STIL: variants seen among roughly 807,000 people sequenced by gnomAD.
STIL encodes STIL centriolar assembly protein.
In STIL, 55 loss-of-function variants were observed where a neutral mutation model predicts 110.1. The observed-to-expected ratio is 0.50, with a 90% CI of 0.40 to 0.63. The LOEUF is 0.63. Ranked by LOEUF, STIL falls within the 20% of genes least tolerant of loss-of-function variation. The pLI is 0.00. For missense variants in STIL, 1,358 were observed against 1,530.0 expected (o/e 0.89, Z 1.87); for synonymous variants, 481 against 530.0 (o/e 0.91, Z 1.27).
intron 2 of STIL, among the ~76,000 whole-genome samples, chr1:47,308,746 TAA>T (rs1646039234): frequency 1.3e-5 from 2 of 151,938 alleles, no homozygotes; most frequent in African/African-American, 4.8e-5. Flanking sequence ...TTAAAAGTAA[TAA>T]ATAATAACAT....
Position 47,251,229 on chromosome 1 carries a change from T to C in STIL, c.3774A>G (p.Gln1258=), listed in dbSNP as rs1168776378. The change falls in exon 17 of 17, where the codon CAA becomes CAG. Residue 1258 remains glutamine (Q), a synonymous_variant. Coordinates refer to ENST00000371877, the MANE Select transcript of STIL (RefSeq NM_001048166.1). ...TCATCTGCTTTAGCGTTTCAGAAGG[T>C]TGCAAACTTTCAGGAAAAATTGTAA... ...GDITIFPESL[Q]PSETLKQMNS... 2 of 1,611,380 alleles carry C rather than the reference T, an allele frequency of 1.2e-6. No homozygotes were observed. The highest frequency in any genetic ancestry group is 1.7e-5 in the Admixed American group (1 of 59,658).
chr1:47,311,445 C>T (rs1332768082), intron 1 of STIL, among the ~76,000 whole-genome samples: 2 of 151,828 alleles, frequency 1.3e-5, no homozygotes, highest in African/African-American at 4.8e-5. Context: ...CCACTGCACC[C>T]GGCTAATTTT....
intron 14 of STIL, among the ~76,000 whole-genome samples, chr1:47,266,983 T>C (rs1570073717): frequency 6.6e-6 from 1 of 152,368 alleles, no homozygotes; most frequent in South Asian, 2.1e-4. Context: ...TCAATCACTA[T>C]GTCCAGCCAC....
At position 47,289,655 on chromosome 1, in the gene STIL, G is replaced by A. The variant is rs981144564; in HGVS notation, c.873-70C>T. The A allele has an allele frequency of 5.0e-6, 7 of 1,401,960 alleles. No individual in the cohort carries two copies. The Admixed American group carries it at 8.5e-5, about 17-fold the overall frequency. The allele number at this position is 1,401,960 out of a possible 1,614,324, so 86.8% of individuals were successfully genotyped here. ...TGATGACACTCAAATAACTTCATGTGAGTCTCCCAATCTAGTTAACAAAAT... is the reference window on the plus strand; with the variant it reads ...TGATGACACTCAAATAACTTCATGTAAGTCTCCCAATCTAGTTAACAAAAT... On this transcript the variant is annotated intron_variant, in intron 8 of 16. Transcript: ENST00000371877.
chr1:47,270,005 G>A (rs1001334455), intron 13 of STIL, 139 bp from the exon 14 acceptor site: 1 of 781,460 alleles, frequency 1.3e-6, no homozygotes, highest in South Asian at 1.5e-5. Context: ...GAGAGGCAGA[G>A]GCGGGAGGAT....
At chr1:47,279,282 C>CAAAAA (rs11325942) in intron 12 of STIL, among the ~76,000 whole-genome samples, 3 of 107,120 alleles carry the variant, frequency 2.8e-5, no homozygotes, top group African/African-American at 1.2e-4. Context: ...TACTCCGTCT[C>CAAAAA]AAAAAAAAAA....
rs3125644 is a variant in STIL at position 47,287,324 on chromosome 1, T to C, written c.1133+227A>G. On this transcript the variant is annotated intron_variant, in intron 10 of 16. Transcript: ENST00000371877. Reference sequence around the variant, plus strand: ...GACAAATACTTTTGTATTTTTCCTGTATAATACATCAACCCAAATGAAAAC... The same window carrying C: ...GACAAATACTTTTGTATTTTTCCTGCATAATACATCAACCCAAATGAAAAC... Among the ~76,000 whole-genome samples, 33,811 of 152,112 alleles carry C rather than the reference T, an allele frequency of 0.22. 4,425 individuals carry two copies. The highest frequency in any genetic ancestry group is 0.53 in the East Asian group (2,710 of 5,154).
rs878918576 is a variant in STIL, at chr1:47,251,835, G to C, written c.3168C>G (p.Pro1056=). The C allele has an allele frequency of 1.9e-6, 3 of 1,608,800 alleles. No homozygotes were observed. Among genetic ancestry groups the C allele is most frequent in the Middle Eastern group, 1.7e-4 (1 of 6,018 alleles). The change falls in exon 17 of 17, where the codon CCC becomes CCG. Residue 1056 remains proline, a synonymous_variant. Transcript: ENST00000371877. The stretch of plus-strand genomic sequence containing the variant: ...CCTCCATGCTCAAATCCACACCATT[G>C]GGGCTTAAGCCGCTCATGCCAACAT... ...FANVGMSGLS[P]NGVDLSMEAN...
Position 47,289,535 on chromosome 1 carries a change from T to A in STIL, c.923A>T (p.His308Leu), listed in dbSNP as rs753511515. 1.9e-6 allele frequency: 3 copies of A among 1,613,800 alleles called. No homozygotes were observed. The highest frequency in any genetic ancestry group is 3.3e-5 in the Admixed American group (2 of 59,998). The change falls in exon 9 of 17, where the codon CAT (histidine) becomes CTT (leucine). Residue 308 changes from histidine to leucine, a missense_variant. By Grantham distance (99) the His-to-Leu change is moderately conservative. Coordinates refer to ENST00000371877, the MANE Select transcript of STIL (RefSeq NM_001048166.1). ...GCATTCATAAAACTCAGGTTCCTTATGTGTCATAGAATAGAGAACTATGAT... is the reference window on the plus strand; with the variant it reads ...GCATTCATAAAACTCAGGTTCCTTAAGTGTCATAGAATAGAGAACTATGAT... The part of the protein sequence containing the change: ...NFIIVLYSMT[H>L]KEPEFYECFP...
intron 12 of STIL, among the ~76,000 whole-genome samples, chr1:47,277,241 G>C (rs116782244): frequency 0.01 from 1,582 of 152,206 alleles, 37 homozygotes; most frequent in African/African-American, 0.037. Context: ...AACATGTTTT[G>C]GCATTTTTAA....
intron 12 of STIL, among the ~76,000 whole-genome samples, chr1:47,278,720 C>G (rs892921077): frequency 5.3e-5 from 8 of 151,836 alleles, no homozygotes; most frequent in African/African-American, 1.7e-4. Context: ...AATCCCAGCA[C>G]TCTGGGAGGT....
intron 16 of STIL, 93 bp downstream of exon 16, chr1:47,260,196 A>T: frequency 7.7e-7 from 1 of 1,297,068 alleles, no homozygotes; most frequent in Non-Finnish European, 1.0e-6. Flanking sequence ...TACATCTAAA[A>T]TTTATTCATC....
chr1:47,276,905 G>T (rs1645011119), intron 12 of STIL, among the ~76,000 whole-genome samples: 2 of 150,488 alleles, frequency 1.3e-5, no homozygotes, highest in African/African-American at 4.9e-5. Flanking sequence ...TGGAAAAATG[G>T]TTTGGGGATA....
chr1:47,310,298 C>A lies in STIL; in HGVS notation c.22G>T (p.Ala8Ser), dbSNP rs1646084931. 1 of 1,612,912 alleles carries A rather than the reference C, an allele frequency of 6.2e-7. No individual in the cohort carries two copies. Among genetic ancestry groups the A allele is most frequent in the Non-Finnish European group, 8.5e-7 (1 of 1,179,548 alleles). MEPIYPF[A>S]RPQMNTRFPS... The stretch of plus-strand genomic sequence containing the variant: ...TACCTGGTATTCATCTGGGGCCGTG[C>A]AAAAGGATATATAGGCTCCATGATG... The change falls in exon 2 of 17, where the codon GCA (alanine) becomes TCA (serine). Residue 8 changes from alanine to serine, a missense_variant. Physicochemically the swap from Ala to Ser is moderately conservative, Grantham distance 99. Coordinates refer to ENST00000371877, the MANE Select transcript of STIL (RefSeq NM_001048166.1).
rs756252807 is a variant in STIL at position 47,280,937 on chromosome 1, C to T, written c.1521G>A (p.Gln507=). 2.5e-6 allele frequency: 4 copies of T among 1,613,894 alleles called. No homozygotes were observed. The highest frequency in any genetic ancestry group is 3.4e-6 in the Non-Finnish European group (4 of 1,180,006). ...GGTTCCCTTTCTTATAGGCAGGTGG[C>T]TGTCTTACTTTGCAGTGTCTCAAAA... ...PALLRHCKVR[Q]PPAYKKGNPH... is the part of the protein sequence containing the mutation. Residue 507 remains glutamine (Q), a synonymous_variant, in exon 12 of 17, where the codon CAG becomes CAA. Transcript: ENST00000371877.
At chr1:47,304,056 G>A (rs776253424) in intron 3 of STIL, among the ~76,000 whole-genome samples, 2 of 151,960 alleles carry the variant, frequency 1.3e-5, no homozygotes, top group Admixed American at 6.6e-5. Context: ...TATAAATAAG[G>A]AAACTGATCC....
intron 12 of STIL, among the ~76,000 whole-genome samples, chr1:47,273,006 A>T (rs1644885053): frequency 6.6e-6 from 1 of 152,182 alleles, no homozygotes; most frequent in African/African-American, 2.4e-5. Context: ...TGTTTGCAAG[A>T]CCCTATTACT....
At chr1:47,304,397 G>C (rs1243440556) in intron 3 of STIL, among the ~76,000 whole-genome samples, 6 of 150,800 alleles carry the variant, frequency 4.0e-5, no homozygotes, top group Non-Finnish European at 7.4e-5. Flanking sequence ...CTGACTCAAG[G>C]CTCTCCCCGC....
Position 47,251,118 on chromosome 1 carries a change from G to A in STIL, c.*18C>T. The A allele has an allele frequency of 6.2e-7, 1 of 1,610,592 alleles. No homozygotes were observed. ...GAGACACCCTGTCCCTGTATTAAAAGGGCAGGGAGTTAAAAGGTTAAAATA... is the reference window on the plus strand; with the variant it reads ...GAGACACCCTGTCCCTGTATTAAAAAGGCAGGGAGTTAAAAGGTTAAAATA... On this transcript the variant is annotated 3_prime_UTR_variant, in exon 17 of 17. Transcript: ENST00000371877.
Sources: allele counts gnomAD v4.1 joint callset (sites outside exome capture counted in the v4.1 genomes callset), GRCh38; gene constraint gnomAD v4.1.1; transcripts MANE v1.5; gene names NCBI Gene and HGNC (gene_info 2026-07-23, HGNC 2026-07-21).